Variants in MAX observed in about 807,000 individuals in gnomAD.
MAX encodes the protein protein max.
MAX carries 3 observed loss-of-function variants against 22.3 expected under a neutral mutation model. That is an observed-to-expected ratio of 0.13 (90% CI 0.06 to 0.35). MAX has a LOEUF of 0.35. MAX is among the 10% of genes least tolerant of loss of function. The pLI is 1.00. For missense variants in MAX, 119 were observed against 209.4 expected, an observed-to-expected ratio of 0.57 and a Z score of 2.66; for synonymous variants, 72 against 77.7, an observed-to-expected ratio of 0.93 and a Z score of 0.39.
intron 3 of MAX, among the ~76,000 whole-genome samples, chr14:65,064,249 A>G (rs1173311166): frequency 6.6e-6 from 1 of 152,226 alleles, no homozygotes; most frequent in East Asian, 1.9e-4. Flanking sequence ...CAAGCATTCT[A>G]GTTGCCCACA....
Position 65,076,114 on chromosome 14 carries a change from T to C in MAX, c.*362A>G, listed in dbSNP as rs541774297. ...GGGCAGGGCAGGCGTCCCCCGGGCA[T>C]GTGCCCGGCAGGGCTGGAGGAGCTG... On this transcript the variant is annotated 3_prime_UTR_variant, in exon 5 of 5. Coordinates refer to ENST00000358664, the MANE Select transcript of MAX (RefSeq NM_002382.5). This position sits in a 1 kb window ranked among gnomAD's most constrained non-coding sequence, Gnocchi z 6.6. 1.6e-6 allele frequency: 2 copies of C among 1,280,382 alleles called. No individual in the cohort carries two copies. Among genetic ancestry groups the C allele is most frequent in the Admixed American group, 3.8e-5 (1 of 26,462 alleles). 79.3% of individuals were successfully genotyped at this position (1,280,382 alleles called of 1,614,324 possible). A position where few individuals can be genotyped will look rare whatever the true frequency, so the allele number is the denominator to read the frequency against.
At chr14:65,015,170 T>G (rs1322637927) in intron 3 of MAX, among the ~76,000 whole-genome samples, 1 of 151,574 alleles carries the variant, frequency 6.6e-6, no homozygotes, top group Non-Finnish European at 1.5e-5. Context: ...TGGTGCCATC[T>G]CGGCTCACTG....
chr14:65,096,031 G>A (rs548042527), intron 2 of MAX, among the ~76,000 whole-genome samples: 3 of 152,330 alleles, frequency 2.0e-5, no homozygotes, highest in East Asian at 1.9e-4. Context: ...TTGGAGGATT[G>A]TAAGTGAACT....
rs1728281418 is a variant in MAX at position 65,014,596 on chromosome 14, T to C, written c.172-8312A>G. The stretch of plus-strand genomic sequence containing the variant: ...TGGGAGGCTCAGGCAGGTGAATTGC[T>C]TCAGCCCAGGAGTTCAAGACCAGCC... On this transcript the variant is annotated intron_variant, in intron 3 of 3. Transcript: ENST00000341653. This position sits in a 1 kb window ranked among gnomAD's most constrained non-coding sequence, Gnocchi z 5.1. 6.6e-6 allele frequency among the ~76,000 whole-genome samples: 1 copy of C among 152,140 alleles called. No homozygotes were observed. The highest frequency in any genetic ancestry group is 2.4e-5 in the African/African-American group (1 of 41,434).
intron 3 of MAX, chr14:65,090,090 C>G (rs1297634368): frequency 6.6e-6 from 1 of 152,142 alleles, no homozygotes; most frequent in African/African-American, 2.4e-5. Flanking sequence ...TTTAAATGAT[C>G]CTTAATACCC....
rs2062512739 is a variant in MAX, at chr14:65,047,637, CT to C, written c.172-41354del. ...CATTTAAATTATAAGGGCACTTACC[CT>C]TTGAACACAGCAAGTGCACTGTCAG... On this transcript the variant is annotated intron_variant, in intron 3 of 3. Transcript: ENST00000341653. This position sits in a 1 kb window ranked among gnomAD's most constrained non-coding sequence, Gnocchi z 5.2. Among the ~76,000 whole-genome samples the C allele has an allele frequency of 6.6e-6, 1 of 152,154 alleles. No individual in the cohort carries two copies. The highest frequency in any genetic ancestry group is 1.5e-5 in the Non-Finnish European group (1 of 68,032).
chr14:65,019,750 C>T (rs1225694040), intron 3 of MAX, among the ~76,000 whole-genome samples: 1 of 152,070 alleles, frequency 6.6e-6, no homozygotes, highest in Non-Finnish European at 1.5e-5. Context: ...TTGCTTTGTG[C>T]CTAGGAGGTG....
Position 65,044,355 on chromosome 14 carries a change from G to C in MAX, c.172-38071C>G, listed in dbSNP as rs1276025094. 1 of 1,613,546 alleles carries C rather than the reference G, an allele frequency of 6.2e-7. No individual in the cohort carries two copies. The highest frequency in any genetic ancestry group is 8.5e-7 in the Non-Finnish European group (1 of 1,179,838). On this transcript the variant is annotated intron_variant, in intron 3 of 3. Transcript: ENST00000341653. The surrounding 1 kb of genome is among the most constrained non-coding windows in gnomAD (Gnocchi z 5.5). ...AGATGCGATTTGAAGGAGGATTTCA[G>C]GGCCGCTGCAACAAGCTGGTGGATG...
At chr14:65,072,500 CCCAACAGCGTCCTTTTGGTT>C (rs2062998969), downstream of MAX, among the ~76,000 whole-genome samples, 1 of 152,216 alleles carries the variant, frequency 6.6e-6, no homozygotes, top group South Asian at 2.1e-4. Flanking sequence ...GCCTAACTTC[CCCAACAGCGTCCTTTTGGTT>C]CCCCGGGTTA....
intron 3 of MAX, among the ~76,000 whole-genome samples, chr14:65,080,197 G>A (rs2063167330): frequency 6.6e-6 from 1 of 152,194 alleles, no homozygotes; most frequent in African/African-American, 2.4e-5. Context: ...ATCTGAAATG[G>A]TGAGCCCTGT....
chr14:65,073,113 A>C (rs1027356253), downstream of MAX, among the ~76,000 whole-genome samples: 2 of 152,098 alleles, frequency 1.3e-5, no homozygotes, highest in Non-Finnish European at 1.5e-5. Context: ...GCATTATCTC[A>C]TTTAAGCCTC....
chr14:65,075,873 G>C lies in MAX; in HGVS notation c.*603C>G, dbSNP rs117802316. 20,915 of 1,066,866 alleles carry C rather than the reference G, an allele frequency of 0.02. 240 individuals carry two copies. The highest frequency in any genetic ancestry group is 0.025 in the Admixed American group (468 of 19,030). The allele number at this position is 1,066,866 out of a possible 1,614,324, so 66.1% of individuals were successfully genotyped here. ...AAACATGCCAGCGACTCTGTGCTGC[G>C]AATCTGTCCCCACTTCCTTTTTATA... is the stretch of plus-strand genomic sequence containing the variant. On this transcript the variant is annotated 3_prime_UTR_variant, in exon 5 of 5. Coordinates refer to ENST00000358664, the MANE Select transcript of MAX (RefSeq NM_002382.5). This position sits in a 1 kb window ranked among gnomAD's most constrained non-coding sequence, Gnocchi z 4.1.
Position 65,075,327 on chromosome 14 carries a change from AAC to A in MAX, c.*1147_*1148del. The A allele has an allele frequency of 2.8e-6, 3 of 1,062,558 alleles. No homozygotes were observed. The highest frequency in any genetic ancestry group is 3.4e-6 in the Non-Finnish European group (3 of 877,322). The allele number at this position is 1,062,558 out of a possible 1,614,324, so 65.8% of individuals were successfully genotyped here. On this transcript the variant is annotated 3_prime_UTR_variant, in exon 5 of 5. Transcript: ENST00000358664. The surrounding 1 kb of genome is among the most constrained non-coding windows in gnomAD (Gnocchi z 4.1). ...GAAAAAGACAAAGAAATGAGGCCTA[AAC>A]ACACAAAACCCTTCACTGGCATCTG...
At chr14:65,043,231 G>A (rs989514462) in intron 3 of MAX, among the ~76,000 whole-genome samples, 2 of 152,188 alleles carry the variant, frequency 1.3e-5, no homozygotes, top group Admixed American at 6.5e-5. Context: ...CTCATTCTGA[G>A]GGACCAAACC....
Position 65,102,477 on chromosome 14 carries a change from T to A in MAX, c.-138A>T. 2 of 1,486,192 alleles carry A rather than the reference T, an allele frequency of 1.3e-6. No individual in the cohort carries two copies. The highest frequency in any genetic ancestry group is 1.8e-6 in the Non-Finnish European group (2 of 1,113,674). The allele number at this position is 1,486,192 out of a possible 1,614,324, so 92.1% of individuals were successfully genotyped here. On this transcript the variant is annotated 5_prime_UTR_variant, in exon 1 of 5. Coordinates refer to ENST00000358664, the MANE Select transcript of MAX (RefSeq NM_002382.5). ...CTCACTCACTCACTCGCTCTCTCAC[T>A]CACACACACACACAACACGGGCAAG...
chr14:65,066,051 AT>A (rs2062928563), intron 3 of MAX, among the ~76,000 whole-genome samples: 1 of 152,154 alleles, frequency 6.6e-6, no homozygotes, highest in African/African-American at 2.4e-5. Context: ...GTCTCGGGGA[AT>A]AGGGGGCACT....
At chr14:65,061,230 C>T in intron 3 of MAX, 1 of 1,614,150 alleles carries the variant, frequency 6.2e-7, no homozygotes, top group Non-Finnish European at 8.5e-7. Context: ...GTGATCCAGG[C>T]CACTACATAC....
At position 65,028,337 on chromosome 14, in the gene MAX, A is replaced by C. The variant is rs543866285; in HGVS notation, c.172-22053T>G. Among the ~76,000 whole-genome samples the C allele has an allele frequency of 1.3e-5, 2 of 152,324 alleles. No homozygotes were observed. The highest frequency in any genetic ancestry group is 2.9e-5 in the Non-Finnish European group (2 of 68,024). On this transcript the variant is annotated intron_variant, in intron 3 of 3. Coordinates refer to the MAX transcript ENST00000341653. This position sits in a 1 kb window ranked among gnomAD's most constrained non-coding sequence, Gnocchi z 4.4. ...TATTATTTTCTTCCATAAGTGTCTGATGTACCAAGCAAGTTGCTTCCTCAC... is the reference window on the plus strand; with the variant it reads ...TATTATTTTCTTCCATAAGTGTCTGCTGTACCAAGCAAGTTGCTTCCTCAC...
Position 65,078,360 on chromosome 14 carries a change from C to T in MAX, c.172-324G>A, listed in dbSNP as rs2063116645. ...AGGATTATAGGTGTGCGCCACCACGCCCATCTAATTTTTTTGTATTTTTAG... is the reference window on the plus strand; with the variant it reads ...AGGATTATAGGTGTGCGCCACCACGTCCATCTAATTTTTTTGTATTTTTAG... On this transcript the variant is annotated intron_variant, in intron 3 of 4. Coordinates refer to ENST00000358664, the MANE Select transcript of MAX (RefSeq NM_002382.5). The surrounding 1 kb of genome is among the most constrained non-coding windows in gnomAD (Gnocchi z 6.4). Among the ~76,000 whole-genome samples, 1 of 152,002 alleles carries T rather than the reference C, an allele frequency of 6.6e-6. No individual in the cohort carries two copies. The highest frequency in any genetic ancestry group is 1.5e-5 in the Non-Finnish European group (1 of 67,992).
Sources: gnomAD v4.1 joint callset for allele counts (sites outside exome capture counted in the v4.1 genomes callset) on GRCh38, gnomAD v4.1.1 for gene constraint, Gnocchi (gnomAD v3.1) non-coding constraint, MANE v1.5 for transcripts, NCBI Gene and HGNC (gene_info 2026-07-23, HGNC 2026-07-21) for gene names.